The following PPARG variants were observed in gnomAD, a reference collection of about 807,000 sequenced individuals.
PPARG encodes peroxisome proliferator-activated receptor gamma.
A neutral mutation model predicts 39.2 loss-of-function variants in PPARG; 17 were observed. That is an observed-to-expected ratio of 0.43 (90% CI 0.30 to 0.65). PPARG has a LOEUF of 0.65. Ranked by LOEUF, PPARG falls within the 30% of genes least tolerant of loss-of-function variation. PPARG has a pLI of 0.13. For synonymous variants in PPARG, 223 were observed against 215.7 expected (o/e 1.03, Z -0.30); for missense variants, 406 against 585.9 (o/e 0.69, Z 3.17).
At chr3:12,288,756 GGTGCCTCC>G (rs1367359866), upstream of PPARG, 2 of 152,362 alleles carry the variant, frequency 1.3e-5, no homozygotes, top group African/African-American at 2.4e-5. Context: ...ACGGGGACTG[GGTGCCTCC>G]GTGCCTCCGC....
chr3:12,305,831 C>T (rs944817115), intron 1 of PPARG: 2 of 152,208 alleles, frequency 1.3e-5, no homozygotes, highest in Non-Finnish European at 2.9e-5. Context: ...AGAACGTTTT[C>T]TCTCCATTCT....
chr3:12,368,844 C>G (rs1248225591), intron 2 of PPARG, among the ~76,000 whole-genome samples: 2 of 152,130 alleles, frequency 1.3e-5, no homozygotes, highest in Admixed American at 1.3e-4. Flanking sequence ...CCATTTGTGG[C>G]TGAAGCATCA....
chr3:12,423,092 G>A (rs2051319280), intron 7 of PPARG, among the ~76,000 whole-genome samples: 1 of 152,204 alleles, frequency 6.6e-6, no homozygotes, highest in East Asian at 1.9e-4. Flanking sequence ...TCAGCCAGCA[G>A]GTACCTGGAA....
intron 4 of PPARG, among the ~76,000 whole-genome samples, chr3:12,385,536 A>G (rs2049840196): frequency 6.6e-6 from 1 of 152,190 alleles, no homozygotes; most frequent in Non-Finnish European, 1.5e-5. Context: ...TGTTGTTTAC[A>G]TGTTGGAGAT....
At chr3:12,289,820 A>G (rs1352701448) in intron 1 of PPARG, among the ~76,000 whole-genome samples, 1 of 152,196 alleles carries the variant, frequency 6.6e-6, no homozygotes, top group South Asian at 2.1e-4. Context: ...ACCAGTTAGC[A>G]TTTGGAGTAA....
intron 2 of PPARG, among the ~76,000 whole-genome samples, chr3:12,314,358 C>G (rs1325786228): frequency 6.6e-6 from 1 of 151,994 alleles, no homozygotes; most frequent in East Asian, 1.9e-4. Flanking sequence ...AAAGTATCTG[C>G]CCCCACTTAC....
intron 2 of PPARG, among the ~76,000 whole-genome samples, chr3:12,339,416 T>A (rs1161403708): frequency 6.6e-6 from 1 of 152,218 alleles, no homozygotes; most frequent in Non-Finnish European, 1.5e-5. Context: ...GTAAATTTAC[T>A]AAAATTCGTT....
At chr3:12,287,772 C>T (rs1200311236), upstream of PPARG, 1 of 146,964 alleles carries the variant, frequency 6.8e-6, no homozygotes, top group Non-Finnish European at 1.5e-5. Flanking sequence ...CGGGCCGCTC[C>T]CTCCCAGTCG....
At chr3:12,327,107 T>C (rs1336220728) in intron 2 of PPARG, among the ~76,000 whole-genome samples, 1 of 152,204 alleles carries the variant, frequency 6.6e-6, no homozygotes, top group Non-Finnish European at 1.5e-5. Flanking sequence ...AGAGATTATC[T>C]TGTAATTTAA....
At chr3:12,415,198 C>A (rs993522988) in intron 6 of PPARG, among the ~76,000 whole-genome samples, 3 of 152,178 alleles carry the variant, frequency 2.0e-5, no homozygotes, top group Non-Finnish European at 4.4e-5. Context: ...CACACTCACA[C>A]CTCTCCACAC....
At chr3:12,351,692 T>TA (rs2048492483) in intron 2 of PPARG, 1 of 1,579,794 alleles carries the variant, frequency 6.3e-7, no homozygotes, top group Non-Finnish European at 8.7e-7. Context: ...TCCTTCCAGA[T>TA]ACGGCTATTG....
intron 2 of PPARG, among the ~76,000 whole-genome samples, chr3:12,338,525 G>C (rs2048082236): frequency 1.3e-5 from 2 of 152,120 alleles, no homozygotes; most frequent in Non-Finnish European, 2.9e-5. Flanking sequence ...TGTAAAACAA[G>C]TTGTAAACTA....
At chr3:12,322,728 G>C (rs886299345) in intron 2 of PPARG, among the ~76,000 whole-genome samples, 1 of 152,172 alleles carries the variant, frequency 6.6e-6, no homozygotes, top group Non-Finnish European at 1.5e-5. Flanking sequence ...TGAAGATTTG[G>C]GGGTAGGGAA....
chr3:12,310,821 A>G (rs10212146), intron 1 of PPARG, among the ~76,000 whole-genome samples: 1 of 133,460 alleles, frequency 7.5e-6, no homozygotes, highest in East Asian at 2.3e-4. Flanking sequence ...AAAAAAAAAA[A>G]AAACCCAAGT....
At chr3:12,408,850 G>A (rs1022829551) in intron 6 of PPARG, among the ~76,000 whole-genome samples, 7 of 148,130 alleles carry the variant, frequency 4.7e-5, no homozygotes, top group Admixed American at 2.0e-4. Flanking sequence ...TAAAAAAAAA[G>A]CCTCGGTGGT....
At chr3:12,373,912 A>G (rs952855359) in intron 2 of PPARG, among the ~76,000 whole-genome samples, 5 of 152,178 alleles carry the variant, frequency 3.3e-5, no homozygotes, top group Non-Finnish European at 7.4e-5. Context: ...GGCTTGTGGC[A>G]TGAAGAGGTG....
intron 2 of PPARG, among the ~76,000 whole-genome samples, chr3:12,350,388 C>G (rs962514808): frequency 6.6e-6 from 1 of 152,062 alleles, no homozygotes; most frequent in African/African-American, 2.4e-5. Flanking sequence ...TTTACTAGTC[C>G]CCTTGAAGAA....
chr3:12,364,366 A>G (rs1163018812), intron 2 of PPARG, among the ~76,000 whole-genome samples: 4 of 152,152 alleles, frequency 2.6e-5, no homozygotes, highest in African/African-American at 7.2e-5. Flanking sequence ...AGGTTCTTCC[A>G]TGTCTTTCCA....
At chr3:12,381,223 A>G (rs971403960) in intron 3 of PPARG, 99 bp from the exon 4 acceptor site, 75 of 1,196,252 alleles carry the variant, frequency 6.3e-5, no homozygotes, top group South Asian at 1.7e-4. Context: ...CTGAAACAAT[A>G]CAAATACAGC....
Sources: gnomAD v4.1 joint callset for allele counts (sites outside exome capture counted in the v4.1 genomes callset) on GRCh38, gnomAD v4.1.1 for gene constraint, MANE v1.5 for transcripts, NCBI Gene and HGNC (gene_info 2026-07-23, HGNC 2026-07-21) for gene names.